PRDM10: variants seen among roughly 807,000 people sequenced by gnomAD.
The protein encoded by PRDM10 is PR domain zinc finger protein 10.
A neutral mutation model predicts 133.1 loss-of-function variants in PRDM10; 65 were observed. The ratio of observed to expected loss-of-function variants is 0.49; its 90% CI spans 0.40 to 0.60. The LOEUF is 0.60. Among genes scored for constraint, PRDM10 ranks in the 20% least tolerant of loss-of-function variants. The pLI is 0.00. For synonymous variants in PRDM10, 582 were observed against 580.4 expected, an observed-to-expected ratio of 1.00 and a Z score of -0.04; for missense variants, 1,137 against 1,507.1, an observed-to-expected ratio of 0.75 and a Z score of 4.07.
At chr11:129,978,131 C>T (rs536812976) in intron 1 of PRDM10, among the ~76,000 whole-genome samples, 5 of 151,810 alleles carry the variant, frequency 3.3e-5, no homozygotes, top group Non-Finnish European at 7.4e-5. Flanking sequence ...TCTACATAAA[C>T]AGAGAGGTCT....
intron 1 of PRDM10, among the ~76,000 whole-genome samples, chr11:130,000,020 G>GT (rs371085945): frequency 1.4e-5 from 2 of 145,988 alleles, no homozygotes; most frequent in African/African-American, 2.5e-5. Context: ...TATGGGTTTT[G>GT]TTTTTTTTCA....
chr11:129,995,569 C>G (rs1354670270), intron 1 of PRDM10, among the ~76,000 whole-genome samples: 1 of 151,960 alleles, frequency 6.6e-6, no homozygotes, highest in Non-Finnish European at 1.5e-5. Flanking sequence ...AAATAACCCC[C>G]AATAAATTGG....
chr11:129,903,300 A>AAAAAATAATAATAAT (rs1949900552), intron 20 of PRDM10, among the ~76,000 whole-genome samples: 1 of 138,020 alleles, frequency 7.2e-6, no homozygotes, highest in Admixed American at 7.4e-5. Context: ...CTCCGTCTCA[A>AAAAAATAATAATAAT]AATAATAATA....
chr11:130,001,890 G>T (rs368451704), intron 1 of PRDM10, among the ~76,000 whole-genome samples: 7 of 151,806 alleles, frequency 4.6e-5, no homozygotes, highest in Non-Finnish European at 7.4e-5. Flanking sequence ...CTCCGCCTCC[G>T]CCCGGCCAGC....
At chr11:129,927,397 T>A (rs1005470606) in intron 11 of PRDM10, among the ~76,000 whole-genome samples, 1 of 152,146 alleles carries the variant, frequency 6.6e-6, no homozygotes, top group South Asian at 2.1e-4. Context: ...GGTTCAAAGA[T>A]GCAAGATTCA....
chr11:129,979,603 C>A (rs1456343921), intron 1 of PRDM10, among the ~76,000 whole-genome samples: 1 of 152,208 alleles, frequency 6.6e-6, no homozygotes, highest in Non-Finnish European at 1.5e-5. Flanking sequence ...CTACTGAAAA[C>A]CCCGCTCTTC....
At chr11:130,001,362 G>C in intron 1 of PRDM10, among the ~76,000 whole-genome samples, 1 of 152,292 alleles carries the variant, frequency 6.6e-6, no homozygotes, top group African/African-American at 2.4e-5. Flanking sequence ...AAGAGAACAG[G>C]TCAGAAAAAG....
chr11:129,943,574 G>A (rs1951284804), intron 6 of PRDM10, among the ~76,000 whole-genome samples: 1 of 152,166 alleles, frequency 6.6e-6, no homozygotes. Flanking sequence ...AAGAAGGGAA[G>A]ATGGGCCAGG....
chr11:129,952,784 T>A (rs889135527), intron 4 of PRDM10, among the ~76,000 whole-genome samples: 7 of 152,000 alleles, frequency 4.6e-5, no homozygotes, highest in African/African-American at 1.4e-4. Context: ...GATCCCAAAG[T>A]GCTGGGATTA....
chr11:129,927,373 C>A (rs1199846631), intron 11 of PRDM10, among the ~76,000 whole-genome samples: 1 of 152,000 alleles, frequency 6.6e-6, no homozygotes. Context: ...GCTGATGAAC[C>A]AATACTATTG....
intron 1 of PRDM10, among the ~76,000 whole-genome samples, chr11:129,988,887 C>T (rs991725384): frequency 2.0e-5 from 3 of 151,724 alleles, no homozygotes; most frequent in African/African-American, 7.3e-5. Context: ...CCTTGGCCTC[C>T]CAAAGTGCTG....
intron 4 of PRDM10, among the ~76,000 whole-genome samples, chr11:129,953,770 A>G (rs138798990): frequency 1.4e-5 from 2 of 144,754 alleles, no homozygotes; most frequent in Admixed American, 7.1e-5. Flanking sequence ...TCTTTGGGGT[A>G]TTTATCCTAA....
intron 6 of PRDM10, among the ~76,000 whole-genome samples, chr11:129,943,679 G>C (rs566026395): frequency 6.6e-6 from 1 of 152,122 alleles, no homozygotes; most frequent in South Asian, 2.1e-4. Flanking sequence ...GGGCAACATG[G>C]CAAGACCCTG....
intron 1 of PRDM10, among the ~76,000 whole-genome samples, chr11:129,980,341 A>C (rs1938036051): frequency 6.6e-6 from 1 of 152,196 alleles, no homozygotes; most frequent in Admixed American, 6.5e-5. Context: ...CCGGGGCCGC[A>C]CACAGGTACC....
intron 10 of PRDM10, 147 bp from the exon 11 acceptor site, chr11:129,931,405 C>T: frequency 9.3e-7 from 1 of 1,080,380 alleles, no homozygotes; most frequent in Middle Eastern, 2.2e-4. Flanking sequence ...GGTAACTATG[C>T]ACAGAAGGCA....
chr11:129,979,233 G>A (rs1027322853), intron 1 of PRDM10, among the ~76,000 whole-genome samples: 7 of 152,170 alleles, frequency 4.6e-5, no homozygotes, highest in African/African-American at 1.7e-4. Flanking sequence ...CCAGAGTGCA[G>A]CACGTGCCTG....
intron 1 of PRDM10, among the ~76,000 whole-genome samples, chr11:129,992,865 G>C (rs1163597403): frequency 6.6e-6 from 1 of 152,174 alleles, no homozygotes; most frequent in African/African-American, 2.4e-5. Flanking sequence ...ATTCACCATT[G>C]TTCTAGAAAC....
Position 129,923,461 on chromosome 11 carries a change from A to C in PRDM10, c.1879-58T>G. On this transcript the variant is annotated intron_variant, in intron 12 of 20. Coordinates refer to ENST00000360871, the MANE Select transcript of PRDM10 (RefSeq NM_199437.2). The surrounding 1 kb of genome is among the most constrained non-coding windows in gnomAD (Gnocchi z 4.4). Reference sequence around the variant, plus strand: ...ACGCAGGCACCAAATGAAATGACCAAAGGCAGCTTGTCAACGCTAGAGGGA... The same window carrying C: ...ACGCAGGCACCAAATGAAATGACCACAGGCAGCTTGTCAACGCTAGAGGGA... The C allele has an allele frequency of 1.3e-6, 2 of 1,536,200 alleles. No homozygotes were observed. The highest frequency in any genetic ancestry group is 1.4e-5 in the African/African-American group (1 of 72,748).
rs60735364 is a variant in PRDM10 at position 129,980,861 on chromosome 11, G to GTT, written c.-118-19781_-118-19780dup. ...ATAGCTAAAGGGTATGACATTTCTGGTTTTTTTTTTTTTTTTTTTTTTTTT... is the reference window on the plus strand; with the variant it reads ...ATAGCTAAAGGGTATGACATTTCTGGTTTTTTTTTTTTTTTTTTTTTTTTTTT... On this transcript the variant is annotated intron_variant, in intron 1 of 20. Transcript: ENST00000360871. 1.6e-3 allele frequency among the ~76,000 whole-genome samples: 162 copies of GTT among 102,146 alleles called. 4 individuals are homozygous for GTT. The highest frequency in any genetic ancestry group is 3.5e-3 in the East Asian group (11 of 3,180). 67.0% of individuals were successfully genotyped at this position (102,146 alleles called of 152,430 possible).
Sources: gnomAD v4.1 joint callset for allele counts (sites outside exome capture counted in the v4.1 genomes callset) on GRCh38, gnomAD v4.1.1 for gene constraint, Gnocchi (gnomAD v3.1) non-coding constraint, MANE v1.5 for transcripts, NCBI Gene and HGNC (gene_info 2026-07-23, HGNC 2026-07-21) for gene names.